RIMKLB: variants seen among roughly 807,000 people sequenced by gnomAD.
The protein encoded by RIMKLB is ribosomal modification protein rimK like family member B.
RIMKLB carries 7 observed loss-of-function variants against 32.0 expected under a neutral mutation model. That is an observed-to-expected ratio of 0.22 (90% CI 0.12 to 0.41). RIMKLB has a LOEUF of 0.41. Ranked by LOEUF, RIMKLB falls within the 10% of genes least tolerant of loss-of-function variation. The probability of loss-of-function intolerance (pLI) is 1.00; values close to 1 mark genes in which losing one functional copy is unlikely to be tolerated. For synonymous variants in RIMKLB, 172 were observed against 185.1 expected (o/e 0.93, Z 0.57); for missense variants, 289 against 498.7 (o/e 0.58, Z 4.00).
intron 5 of RIMKLB, among the ~76,000 whole-genome samples, chr12:8,760,595 T>C (rs1052835382): frequency 6.6e-6 from 1 of 152,340 alleles, no homozygotes; most frequent in Non-Finnish European, 1.5e-5. Flanking sequence ...CCACGTCCTC[T>C]CCAGCACCTG....
At chr12:8,703,651 C>G (rs903078624) in intron 1 of RIMKLB, among the ~76,000 whole-genome samples, 6 of 152,084 alleles carry the variant, frequency 3.9e-5, no homozygotes, top group African/African-American at 1.4e-4. Context: ...AACTCCTGGC[C>G]TCAAGCAATC....
chr12:8,719,956 A>C (rs1945275288), intron 2 of RIMKLB, among the ~76,000 whole-genome samples: 2 of 152,290 alleles, frequency 1.3e-5, no homozygotes, highest in South Asian at 4.1e-4. Context: ...CCTGGTTGTG[A>C]GTAGAGATAG....
intron 5 of RIMKLB, among the ~76,000 whole-genome samples, chr12:8,771,307 T>C (rs1477320652): frequency 3.3e-5 from 5 of 152,096 alleles, no homozygotes; most frequent in Non-Finnish European, 7.4e-5. Flanking sequence ...GAATGAGGTC[T>C]TATGACCCAC....
At chr12:8,706,853 T>A (rs1943924920) in intron 1 of RIMKLB, among the ~76,000 whole-genome samples, 2 of 152,042 alleles carry the variant, frequency 1.3e-5, no homozygotes, top group South Asian at 4.1e-4. Flanking sequence ...GAAATTTAGT[T>A]GAGAAAGAAA....
chr12:8,702,009 A>G (rs908371538), intron 1 of RIMKLB, among the ~76,000 whole-genome samples: 1 of 129,552 alleles, frequency 7.7e-6, no homozygotes, highest in African/African-American at 3.6e-5. Context: ...CCATCTCAAT[A>G]AAAAAAAAAA....
chr12:8,732,780 C>T (rs1256790752), intron 2 of RIMKLB, among the ~76,000 whole-genome samples: 1 of 151,524 alleles, frequency 6.6e-6, no homozygotes, highest in African/African-American at 2.4e-5. Context: ...CACACACACA[C>T]ACTCTCTTTA....
intron 2 of RIMKLB, among the ~76,000 whole-genome samples, chr12:8,732,945 C>G (rs1009100519): frequency 6.6e-6 from 1 of 152,120 alleles, no homozygotes; most frequent in South Asian, 2.1e-4. Flanking sequence ...CATAGGTCTT[C>G]TTATTGGTGG....
intron 2 of RIMKLB, among the ~76,000 whole-genome samples, chr12:8,726,108 A>C (rs1054679240): frequency 1.3e-5 from 2 of 152,208 alleles, no homozygotes; most frequent in Non-Finnish European, 2.9e-5. Flanking sequence ...TCAGCATCCC[A>C]TGGTGCTGGG....
intron 1 of RIMKLB, among the ~76,000 whole-genome samples, chr12:8,689,741 G>GT (rs1942678557): frequency 6.6e-6 from 1 of 152,058 alleles, no homozygotes; most frequent in Non-Finnish European, 1.5e-5. Context: ...AGCAGAGAGG[G>GT]TATGGTGGTG....
chr12:8,713,036 C>A (rs147132010), intron 1 of RIMKLB, among the ~76,000 whole-genome samples: 4 of 152,196 alleles, frequency 2.6e-5, no homozygotes, highest in African/African-American at 9.6e-5. Context: ...AGAAGCAACA[C>A]CATCTGGAAA....
At chr12:8,734,759 G>A (rs982039898) in intron 2 of RIMKLB, among the ~76,000 whole-genome samples, 6 of 151,830 alleles carry the variant, frequency 4.0e-5, no homozygotes, top group Non-Finnish European at 8.8e-5. Context: ...AAGTAGGAAG[G>A]GGTTAACTTG....
At chr12:8,710,307 CTTTTTT>C (rs762963381) in intron 1 of RIMKLB, among the ~76,000 whole-genome samples, 12 of 125,584 alleles carry the variant, frequency 9.6e-5, no homozygotes, top group Admixed American at 5.6e-4. Context: ...TTGTTTCCTT[CTTTTTT>C]TTTTTTTTTT....
upstream of RIMKLB, among the ~76,000 whole-genome samples, chr12:8,692,973 C>T (rs186683848): frequency 2.5e-3 from 387 of 152,316 alleles, 1 homozygote; most frequent in Admixed American, 3.9e-3. Context: ...ACAAAGAACA[C>T]TATTTTAGGT....
In RIMKLB at chr12:8,764,490, G is replaced by GT. The variant is rs200974990; in HGVS notation, c.698-8830dup. On this transcript the variant is annotated intron_variant, in intron 5 of 5. Coordinates refer to ENST00000535829, the MANE Select transcript of RIMKLB (RefSeq NM_001297776.2). ...ACTTAGTGGCTGGGAGAAGTATCTA[G>GT]TGACTGGCTGTCCTAGGACCTCTCG... Among the ~76,000 whole-genome samples, 140 of 152,310 alleles carry GT rather than the reference G, an allele frequency of 9.2e-4. 2 individuals are homozygous for GT. The East Asian group carries it at 0.017, about 18-fold the overall frequency.
chr12:8,730,284 T>C (rs897577471), intron 2 of RIMKLB, among the ~76,000 whole-genome samples: 1 of 152,132 alleles, frequency 6.6e-6, no homozygotes, highest in Non-Finnish European at 1.5e-5. Context: ...TAGAGACAGG[T>C]CTTGCTGTCT....
the RIMKLB span, among the ~76,000 whole-genome samples, chr12:8,671,497 G>A: frequency 2.0e-5 from 3 of 152,098 alleles, no homozygotes; most frequent in South Asian, 2.1e-4. Flanking sequence ...TGATCTGCCC[G>A]CCTCGGCCTT....
intron 1 of RIMKLB, among the ~76,000 whole-genome samples, chr12:8,704,999 C>CACACACACACACACACACACACAAAAA (rs35908223): frequency 2.4e-4 from 37 of 151,650 alleles, no homozygotes; most frequent in African/African-American, 9.0e-4. Context: ...CACACACACA[C>CACACACACACACACACACACACAAAAA]AAAACCCCAA....
At chr12:8,767,415 G>T (rs1228926752) in intron 5 of RIMKLB, among the ~76,000 whole-genome samples, 2 of 151,096 alleles carry the variant, frequency 1.3e-5, no homozygotes, top group African/African-American at 2.4e-5. Context: ...GCAGTGTAGA[G>T]CTTCCTTAGA....
chr12:8,720,696 C>T (rs1475727368), intron 2 of RIMKLB, among the ~76,000 whole-genome samples: 3 of 152,112 alleles, frequency 2.0e-5, no homozygotes, highest in African/African-American at 7.2e-5. Context: ...CCTGCCACCA[C>T]GCTCAGCTAA....
Sources: gnomAD v4.1 joint callset for allele counts (sites outside exome capture counted in the v4.1 genomes callset) on GRCh38, gnomAD v4.1.1 for gene constraint, MANE v1.5 for transcripts, NCBI Gene and HGNC (gene_info 2026-07-23, HGNC 2026-07-21) for gene names.